Variants in BIRC7 observed in about 807,000 individuals in gnomAD.
BIRC7 encodes baculoviral IAP repeat-containing protein 7.
In BIRC7, 26 loss-of-function variants were observed where a neutral mutation model predicts 33.2. The observed-to-expected ratio is 0.78, with a 90% CI of 0.57 to 1.09. The LOEUF is 1.09. Among genes scored for constraint, BIRC7 ranks in the 50% least tolerant of loss-of-function variants. The pLI is 0.00. For synonymous variants in BIRC7, 176 were observed against 171.0 expected (o/e 1.03, Z -0.23); for missense variants, 409 against 401.2 (o/e 1.02, Z -0.17).
At position 63,237,957 on chromosome 20, in the gene BIRC7, A is replaced by G; in HGVS notation, c.404A>G (p.Lys135Arg). 6.2e-7 allele frequency: 1 copy of G among 1,609,082 alleles called. No individual in the cohort carries two copies. Among genetic ancestry groups the G allele is most frequent in the Non-Finnish European group, 8.5e-7 (1 of 1,178,586 alleles). Residue 135 changes from lysine (K) to arginine (R), a missense_variant, in exon 2 of 7, where the codon AAG becomes AGG. Coordinates refer to ENST00000217169, the MANE Select transcript of BIRC7 (RefSeq NM_139317.3). ...FFCYGGLQSW[K>R]RGDDPWTEHA... ...TGCTATGGGGGCCTGCAGAGCTGGA[A>G]GCGCGGGGACGACCCCTGGACGGAG...
chr20:63,239,208 C>T lies in BIRC7; in HGVS notation c.624C>T (p.Val208=). 1 of 1,612,686 alleles carries T rather than the reference C, an allele frequency of 6.2e-7. No individual in the cohort carries two copies. ...AGCTGCCCACACCCAGGAGAGAGGT[C>T]CAGTCTGAAAGTGCCCAGGAGCCAG... is the stretch of plus-strand genomic sequence containing the variant. ...YPELPTPRRE[V]QSESAQEPGG... is the part of the protein sequence containing the mutation. Residue 208 remains valine (V), a synonymous_variant, in exon 5 of 7, where the codon GTC becomes GTT. Coordinates refer to ENST00000217169, the MANE Select transcript of BIRC7 (RefSeq NM_139317.3).
rs1200288963 is a variant in BIRC7 at position 63,237,907 on chromosome 20, T to A, written c.354T>A (p.His118Gln). The A allele has an allele frequency of 6.3e-7, 1 of 1,598,908 alleles. No homozygotes were observed. The highest frequency in any genetic ancestry group is 8.5e-7 in the Non-Finnish European group (1 of 1,174,926). Reference protein sequence around the residue: ...LAAAGFFHTGHQDKVRCFFCY... With the variant: ...LAAAGFFHTGQQDKVRCFFCY... ...CAGCATCTCTCCGCACCCCAGGCCATCAGGACAAGGTGAGGTGCTTCTTCT... is the reference window on the plus strand; with the variant it reads ...CAGCATCTCTCCGCACCCCAGGCCAACAGGACAAGGTGAGGTGCTTCTTCT... The change falls in exon 2 of 7, where the codon CAT becomes CAA. Residue 118 changes from histidine (H) to glutamine (Q), a missense_variant. Physicochemically the swap from His to Gln is conservative, Grantham distance 24 (BLOSUM62 0). Transcript: ENST00000217169.
Position 63,239,501 on chromosome 20 carries a change from G to A in BIRC7, c.793G>A (p.Val265Met). The change falls in exon 6 of 7, where the codon GTG becomes ATG. Residue 265 changes from valine (V) to methionine (M), a missense_variant. Val to Met is a conservative substitution (Grantham distance 21). Coordinates refer to ENST00000217169, the MANE Select transcript of BIRC7 (RefSeq NM_139317.3). ...CLDRAVSIVFVPCGHLVCAEC... is the reference protein window; with the variant it reads ...CLDRAVSIVFMPCGHLVCAEC... Reference sequence around the variant, plus strand: ...GGACCGCGCCGTGTCCATCGTCTTTGTGCCGTGCGGCCACCTGGTCTGTGC... The same window carrying A: ...GGACCGCGCCGTGTCCATCGTCTTTATGCCGTGCGGCCACCTGGTCTGTGC... The A allele has an allele frequency of 6.2e-7, 1 of 1,606,478 alleles. No individual in the cohort carries two copies. The highest frequency in any genetic ancestry group is 2.2e-5 in the East Asian group (1 of 44,866).
In BIRC7 at chr20:63,236,306, C is replaced by T. The variant is rs371347283; in HGVS notation, c.210C>T (p.Gly70=). The T allele has an allele frequency of 8.1e-6, 13 of 1,610,472 alleles. No individual in the cohort carries two copies. The highest frequency in any genetic ancestry group is 2.2e-5 in the East Asian group (1 of 44,832). Residue 70 remains glycine (G), a synonymous_variant, in exon 1 of 7, where the codon GGC becomes GGT. Coordinates refer to ENST00000217169, the MANE Select transcript of BIRC7 (RefSeq NM_139317.3). ...TGACAGAGGAGGAAGAGGAGGAGGG[C>T]GCCGGGGCCACCTTGTCCAGGGGGC... ...RPLTEEEEEE[G]AGATLSRGPA... is the part of the protein sequence containing the mutation.
At chr20:63,237,759 A>C (rs2066699868) in intron 1 of BIRC7, 144 bp from the exon 2 acceptor site, 7 of 595,844 alleles carry the variant, frequency 1.2e-5, no homozygotes, top group Non-Finnish European at 1.7e-5. Context: ...GACATCCCCC[A>C]CCAAGCCCCC....
chr20:63,236,453 C>A lies in BIRC7; in HGVS notation c.349+8C>A. Reference sequence around the variant, plus strand: ...CCGGCTTCTTCCACACAGGTCAGTCCCGGGCGGGGGGGCCTTCCTGCCGTG... The same window carrying A: ...CCGGCTTCTTCCACACAGGTCAGTCACGGGCGGGGGGGCCTTCCTGCCGTG... On this transcript the variant is annotated splice_region_variant and intron_variant, in intron 1 of 6. Coordinates refer to ENST00000217169, the MANE Select transcript of BIRC7 (RefSeq NM_139317.3). The A allele has an allele frequency of 6.6e-7, 1 of 1,515,222 alleles. No individual in the cohort carries two copies. Among genetic ancestry groups the A allele is most frequent in the Middle Eastern group, 2.5e-4 (1 of 4,024 alleles). 93.9% of individuals were successfully genotyped at this position (1,515,222 alleles called of 1,614,324 possible). A position where few individuals can be genotyped will look rare whatever the true frequency, so the allele number is the denominator to read the frequency against.
intron 2 of BIRC7, 58 bp from the exon 3 acceptor site, chr20:63,238,338 G>C (rs2066705240): frequency 6.3e-7 from 1 of 1,595,978 alleles, no homozygotes; most frequent in African/African-American, 1.3e-5. Flanking sequence ...GGATCCAAGG[G>C]CTTGAAGCAG....
In BIRC7 at chr20:63,238,226, T is replaced by C. The variant is rs113849525; in HGVS notation, c.450-170T>C. On this transcript the variant is annotated intron_variant, in intron 2 of 6. Transcript: ENST00000217169. ...GGCAGAAATGCCTCTCCCATGGGAC[T>C]ACCCTGAAGCCCCATGGAGGCGTCT... 2.1e-4 allele frequency: 194 copies of C among 907,244 alleles called. No homozygotes were observed. In the African/African-American group the frequency reaches 2.9e-3, roughly 14 times the overall value. 56.2% of individuals were successfully genotyped at this position (907,244 alleles called of 1,614,324 possible). A position where few individuals can be genotyped will look rare whatever the true frequency, so the allele number is the denominator to read the frequency against.
chr20:63,239,518 G>C lies in BIRC7; in HGVS notation c.810G>C (p.Leu270=). The C allele has an allele frequency of 1.9e-6, 3 of 1,605,704 alleles. No homozygotes were observed. In the South Asian group the frequency reaches 3.3e-5, roughly 18 times the overall value. Residue 270 remains leucine, a synonymous_variant, in exon 6 of 7, where the codon CTG becomes CTC. Transcript: ENST00000217169. ...TCGTCTTTGTGCCGTGCGGCCACCT[G>C]GTCTGTGCTGAGTGTGCCCCCGGCC... is the stretch of plus-strand genomic sequence containing the variant. ...VSIVFVPCGH[L]VCAECAPGLQ...
chr20:63,238,193 C>T, intron 2 of BIRC7, 191 bp downstream of exon 2: 1 of 847,536 alleles, frequency 1.2e-6, no homozygotes, highest in Non-Finnish European at 1.9e-6. Context: ...TTCGGAAGGG[C>T]TGCTGGGGGC....
intron 2 of BIRC7, 41 bp downstream of exon 2, chr20:63,238,043 T>C: frequency 6.6e-7 from 1 of 1,506,798 alleles, no homozygotes; most frequent in Non-Finnish European, 8.9e-7. Context: ...TGATCATGGG[T>C]AGGGGGTGGG....
At chr20:63,239,087 C>A in intron 4 of BIRC7, 75 bp from the exon 5 acceptor site, 1 of 1,467,670 alleles carries the variant, frequency 6.8e-7, no homozygotes, top group Non-Finnish European at 9.5e-7. Flanking sequence ...ACCCCACAGG[C>A]TGCAGACCTG....
At chr20:63,238,316 C>A in intron 2 of BIRC7, 80 bp from the exon 3 acceptor site, 1 of 1,547,382 alleles carries the variant, frequency 6.5e-7, no homozygotes, top group South Asian at 1.1e-5. Context: ...GGGGCCCAAC[C>A]CTGACCCCCG....
In BIRC7 at chr20:63,239,211, G is replaced by A. The variant is rs377658110; in HGVS notation, c.627G>A (p.Gln209=). Residue 209 remains glutamine, a synonymous_variant, in exon 5 of 7, where the codon CAG becomes CAA. Coordinates refer to ENST00000217169, the MANE Select transcript of BIRC7 (RefSeq NM_139317.3). ...TGCCCACACCCAGGAGAGAGGTCCA[G>A]TCTGAAAGTGCCCAGGAGCCAGGTG... ...PELPTPRREV[Q]SESAQEPGGV... The A allele has an allele frequency of 2.5e-5, 40 of 1,612,392 alleles. No homozygotes were observed. In the African/African-American group the frequency reaches 4.9e-4, roughly 20 times the overall value.
intron 2 of BIRC7, 52 bp downstream of exon 2, chr20:63,238,054 C>A (rs1185403067): frequency 4.8e-6 from 7 of 1,448,068 alleles, no homozygotes; most frequent in South Asian, 1.4e-5. Context: ...AGGGGGTGGG[C>A]CCCCAACGGC....
chr20:63,235,983 C>T lies in BIRC7; in HGVS notation c.-114C>T. On this transcript the variant is annotated 5_prime_UTR_variant, in exon 1 of 7. Transcript: ENST00000217169. ...CAGGCCTGTGCCTATCCCTGCTGTCCCCAGGGTGGGCCCCGGGGGTCAGGA... is the reference window on the plus strand; with the variant it reads ...CAGGCCTGTGCCTATCCCTGCTGTCTCCAGGGTGGGCCCCGGGGGTCAGGA... The T allele has an allele frequency of 1.5e-6, 2 of 1,342,126 alleles. No homozygotes were observed. Among genetic ancestry groups the T allele is most frequent in the South Asian group, 3.1e-5 (2 of 65,288 alleles). The allele number at this position is 1,342,126 out of a possible 1,614,324, so 83.1% of individuals were successfully genotyped here. A position where few individuals can be genotyped will look rare whatever the true frequency, so the allele number is the denominator to read the frequency against.
chr20:63,237,796 C>T (rs2066700175), intron 1 of BIRC7, 107 bp from the exon 2 acceptor site: 1 of 945,890 alleles, frequency 1.1e-6, no homozygotes, highest in Non-Finnish European at 1.5e-6. Flanking sequence ...CTTCTTGCCA[C>T]CTGGGAGCTC....
chr20:63,236,765 T>C (rs564218581), intron 1 of BIRC7, among the ~76,000 whole-genome samples: 2 of 152,208 alleles, frequency 1.3e-5, no homozygotes, highest in Non-Finnish European at 2.9e-5. Flanking sequence ...TGGGTGGGGC[T>C]GACATTGCCT....
rs371308264 is a variant in BIRC7, at chr20:63,238,303, G to T, written c.450-93G>T. The T allele has an allele frequency of 6.8e-4, 988 of 1,456,014 alleles. 12 individuals are homozygous for T. In the South Asian group the frequency reaches 0.011, roughly 16 times the overall value. 90.2% of individuals were successfully genotyped at this position (1,456,014 alleles called of 1,614,324 possible). On this transcript the variant is annotated intron_variant, in intron 2 of 6. Coordinates refer to ENST00000217169, the MANE Select transcript of BIRC7 (RefSeq NM_139317.3). ...CACGGGCACTGCAGGGTGGCGGGAG[G>T]AGGGGGCCCAACCCTGACCCCCGGG...
Sources: allele counts gnomAD v4.1 joint callset (sites outside exome capture counted in the v4.1 genomes callset), GRCh38; gene constraint gnomAD v4.1.1; transcripts MANE v1.5; gene names NCBI Gene and HGNC (gene_info 2026-07-23, HGNC 2026-07-21).